PLCB4: variants seen among roughly 807,000 people sequenced by gnomAD.
The protein encoded by PLCB4 is phospholipase C beta 4.
A neutral mutation model predicts 178.8 loss-of-function variants in PLCB4; 77 were observed. The observed-to-expected ratio is 0.43, with a 90% confidence interval of 0.36 to 0.52. PLCB4 has a LOEUF of 0.52. Ranked by LOEUF, PLCB4 falls within the 20% of genes least tolerant of loss-of-function variation. The pLI, the probability that PLCB4 is intolerant of heterozygous loss-of-function variation, is 0.00. For missense variants in PLCB4, 1,024 were observed against 1,453.4 expected, an observed-to-expected ratio of 0.70 and a Z score of 4.80; for synonymous variants, 496 against 490.8, an observed-to-expected ratio of 1.01 and a Z score of -0.14.
chr20:9,337,734 T>C (rs2032654254), intron 5 of PLCB4, among the ~76,000 whole-genome samples: 1 of 152,194 alleles, frequency 6.6e-6, no homozygotes, highest in Non-Finnish European at 1.5e-5. Flanking sequence ...GTTTTATATA[T>C]AAAAGTAACA....
At chr20:9,085,620 A>G (rs144544615) in intron 1 of PLCB4, among the ~76,000 whole-genome samples, 1 of 152,150 alleles carries the variant, frequency 6.6e-6, no homozygotes, top group African/African-American at 2.4e-5. Flanking sequence ...ATTCTGCCTT[A>G]TATAAGGCAG....
At chr20:9,404,504 C>T (rs1167359750) in intron 20 of PLCB4, among the ~76,000 whole-genome samples, 1 of 151,206 alleles carries the variant, frequency 6.6e-6, no homozygotes, top group Non-Finnish European at 1.5e-5. Flanking sequence ...ACTCAGGAAG[C>T]TGAGGCAGGA....
chr20:9,310,529 T>G (rs1486079325), intron 4 of PLCB4, among the ~76,000 whole-genome samples: 3 of 151,724 alleles, frequency 2.0e-5, no homozygotes, highest in African/African-American at 7.3e-5. Flanking sequence ...GCTAACACAG[T>G]GAAACCCCAT....
chr20:9,131,544 C>A (rs1426078645), intron 2 of PLCB4, among the ~76,000 whole-genome samples: 1 of 152,180 alleles, frequency 6.6e-6, no homozygotes, highest in Non-Finnish European at 1.5e-5. Flanking sequence ...CAGGAAGGGA[C>A]TAACGTGTAT....
chr20:9,228,998 G>A (rs527831240), intron 3 of PLCB4, among the ~76,000 whole-genome samples: 74 of 152,294 alleles, frequency 4.9e-4, no homozygotes, highest in African/African-American at 1.7e-3. Flanking sequence ...GGAGCTTTTG[G>A]CATCGCTGTG....
At chr20:9,186,510 A>G (rs1393722991) in intron 2 of PLCB4, among the ~76,000 whole-genome samples, 1 of 152,194 alleles carries the variant, frequency 6.6e-6, no homozygotes, top group Non-Finnish European at 1.5e-5. Context: ...AAACCCAAAG[A>G]AAACACTGGG....
chr20:9,223,492 A>G (rs919565706), intron 3 of PLCB4, among the ~76,000 whole-genome samples: 2 of 152,180 alleles, frequency 1.3e-5, no homozygotes, highest in African/African-American at 4.8e-5. Flanking sequence ...TCTTTCATGC[A>G]GTTGCAGTCA....
At chr20:9,208,281 A>G (rs964286037) in intron 2 of PLCB4, among the ~76,000 whole-genome samples, 1 of 152,216 alleles carries the variant, frequency 6.6e-6, no homozygotes, top group Non-Finnish European at 1.5e-5. Flanking sequence ...GCTCATCTAT[A>G]AACCATTTCT....
chr20:9,360,614 C>G (rs2035238896), intron 7 of PLCB4, among the ~76,000 whole-genome samples: 1 of 152,112 alleles, frequency 6.6e-6, no homozygotes, highest in African/African-American at 2.4e-5. Context: ...TTGGGAAACT[C>G]TGTGTGGGCC....
At chr20:9,372,954 T>A in intron 11 of PLCB4, 93 bp from the exon 12 acceptor site, 1 of 618,658 alleles carries the variant, frequency 1.6e-6, no homozygotes, top group Non-Finnish European at 2.9e-6. Flanking sequence ...GAAAATAAGT[T>A]TAGAATTATC....
chr20:9,089,592 A>G (rs1217162025), intron 1 of PLCB4, among the ~76,000 whole-genome samples: 1 of 152,144 alleles, frequency 6.6e-6, no homozygotes, highest in African/African-American at 2.4e-5. Flanking sequence ...TTCTGTTTAA[A>G]ACTAATAATT....
At chr20:9,321,651 G>A (rs1218314285) in intron 4 of PLCB4, among the ~76,000 whole-genome samples, 1 of 151,868 alleles carries the variant, frequency 6.6e-6, no homozygotes, top group African/African-American at 2.4e-5. Flanking sequence ...GTTTTTTTGA[G>A]ACAGACGGAG....
Position 9,471,420 on chromosome 20 carries a change from C to T in PLCB4, c.3351-1370C>T, listed in dbSNP as rs139642812. ...AAGACTAAAGAAGAGAGAGAAAGCA[C>T]GAATTAGTGATGTTAGGAATGAAAA... On this transcript the variant is annotated intron_variant, in intron 36 of 39. Transcript: ENST00000378473. Among the ~76,000 whole-genome samples the T allele has an allele frequency of 3.0e-3, 447 of 151,330 alleles. 3 individuals carry two copies. Among genetic ancestry groups the T allele is most frequent in the Middle Eastern group, 0.024 (7 of 290 alleles).
intron 2 of PLCB4, among the ~76,000 whole-genome samples, chr20:9,211,939 G>A (rs1010562881): frequency 3.3e-5 from 5 of 152,170 alleles, no homozygotes; most frequent in African/African-American, 7.2e-5. Context: ...AGAGTGTTCC[G>A]CTTTGGGAAA....
intron 15 of PLCB4, 74 bp from the exon 16 acceptor site, chr20:9,389,805 A>G: frequency 1.3e-6 from 1 of 753,868 alleles, no homozygotes; most frequent in Non-Finnish European, 2.3e-6. Flanking sequence ...CTCAATTAAT[A>G]GTCTCTGAAT....
At chr20:9,291,198 C>T (rs1243719714) in intron 3 of PLCB4, among the ~76,000 whole-genome samples, 1 of 152,124 alleles carries the variant, frequency 6.6e-6, no homozygotes, top group Non-Finnish European at 1.5e-5. Context: ...TCCAATGTCA[C>T]ATTAGATTTA....
At chr20:9,173,221 G>A (rs927709067) in intron 2 of PLCB4, among the ~76,000 whole-genome samples, 1 of 152,160 alleles carries the variant, frequency 6.6e-6, no homozygotes, top group Non-Finnish European at 1.5e-5. Flanking sequence ...TAGATGCATC[G>A]CATGATTGGA....
chr20:9,314,565 A>G (rs1241271732), intron 4 of PLCB4, among the ~76,000 whole-genome samples: 5 of 152,148 alleles, frequency 3.3e-5, no homozygotes, highest in African/African-American at 9.7e-5. Context: ...ATGCATTTAT[A>G]TTGTTTCTTT....
chr20:9,284,096 T>C (rs1263070771), intron 3 of PLCB4, among the ~76,000 whole-genome samples: 2 of 151,860 alleles, frequency 1.3e-5, no homozygotes, highest in African/African-American at 4.8e-5. Context: ...ACAAACAAGA[T>C]ATATAAAGGA....
Sources: gnomAD v4.1 joint callset for allele counts (sites outside exome capture counted in the v4.1 genomes callset) on GRCh38, gnomAD v4.1.1 for gene constraint, MANE v1.5 for transcripts, NCBI Gene and HGNC (gene_info 2026-07-23, HGNC 2026-07-21) for gene names.